ANKRD17: variants seen among roughly 807,000 people sequenced by gnomAD.
The protein encoded by ANKRD17 is ankyrin repeat domain-containing protein 17.
Under a neutral mutation model 229.7 loss-of-function variants are expected in ANKRD17, and 19 were observed. The observed-to-expected ratio is 0.08, with a 90% CI of 0.06 to 0.12. ANKRD17 has a LOEUF of 0.12. Ranked by LOEUF, ANKRD17 falls within the 10% of genes least tolerant of loss-of-function variation. The pLI is 1.00. For missense variants in ANKRD17, 2,176 were observed against 3,176.8 expected (o/e 0.68, Z 7.57); for synonymous variants, 1,112 against 1,146.1 (o/e 0.97, Z 0.60).
chr4:73,204,389 A>G (rs994333027), intron 1 of ANKRD17, among the ~76,000 whole-genome samples: 4 of 151,426 alleles, frequency 2.6e-5, no homozygotes, highest in Admixed American at 1.3e-4. Flanking sequence ...AGAAAAGAAA[A>G]GAAAAGAAAA....
chr4:73,096,970 AC>A (rs1187719707), intron 27 of ANKRD17, 146 bp downstream of exon 27: 2 of 890,566 alleles, frequency 2.2e-6, no homozygotes, highest in Non-Finnish European at 3.3e-6. Context: ...AAAATATGGC[AC>A]AGGCTCTCTC....
intron 1 of ANKRD17, among the ~76,000 whole-genome samples, chr4:73,233,518 A>T (rs138012430): frequency 6.6e-6 from 1 of 151,932 alleles, no homozygotes; most frequent in East Asian, 1.9e-4. Context: ...ATGTTCATGT[A>T]TTCCAGACTA....
Position 73,120,944 on chromosome 4 carries a change from T to C in ANKRD17, c.3786A>G (p.Gln1262=). 6.2e-7 allele frequency: 1 copy of C among 1,613,772 alleles called. No individual in the cohort carries two copies. The highest frequency in any genetic ancestry group is 8.5e-7 in the Non-Finnish European group (1 of 1,179,864). The change falls in exon 20 of 34, where the codon CAA becomes CAG. Residue 1262 remains glutamine, a synonymous_variant. Coordinates refer to ENST00000358602, the MANE Select transcript of ANKRD17 (RefSeq NM_032217.5). ...RNTALTLACF[Q]GRTEVVSLLL... ...GAAGACTAACCACTTCAGTTCTTCCTTGGAAGCAGGCTAAAGTAAGGGCAG... is the reference window on the plus strand; with the variant it reads ...GAAGACTAACCACTTCAGTTCTTCCCTGGAAGCAGGCTAAAGTAAGGGCAG...
intron 1 of ANKRD17, among the ~76,000 whole-genome samples, chr4:73,229,213 C>T (rs990180183): frequency 1.3e-5 from 2 of 152,140 alleles, no homozygotes; most frequent in African/African-American, 2.4e-5. Context: ...AGCACACCAA[C>T]ATGGCACATG....
intron 1 of ANKRD17, among the ~76,000 whole-genome samples, chr4:73,186,361 A>T (rs147581975): frequency 1.1e-3 from 162 of 152,220 alleles, no homozygotes; most frequent in African/African-American, 3.8e-3. Context: ...AAGAAATAAA[A>T]TCTTTCTTGT....
In ANKRD17 at chr4:73,102,346, A is replaced by G; in HGVS notation, c.4573+30T>C. 4 of 1,564,240 alleles carry G rather than the reference A, an allele frequency of 2.6e-6. No individual in the cohort carries two copies. In the South Asian group the frequency reaches 4.8e-5, roughly 19 times the overall value. ...AATATAATTTTAACTAGAATATAAA[A>G]CAAATGGGATGGTTGTTAAGAGAAA... On this transcript the variant is annotated intron_variant, in intron 25 of 33. Transcript: ENST00000358602.
intron 2 of ANKRD17, among the ~76,000 whole-genome samples, chr4:73,173,922 A>T (rs1734371812): frequency 6.6e-6 from 1 of 152,040 alleles, no homozygotes; most frequent in African/African-American, 2.4e-5. Context: ...TTCCAACTGA[A>T]TTTCATAATA....
chr4:73,233,515 T>C (rs16849198), intron 1 of ANKRD17, among the ~76,000 whole-genome samples: 3,307 of 151,976 alleles, frequency 0.022, 106 homozygotes, highest in African/African-American at 0.076. Context: ...GAAATGTTCA[T>C]GTATTCCAGA....
At chr4:73,214,780 A>G (rs1397684762) in intron 1 of ANKRD17, among the ~76,000 whole-genome samples, 2 of 151,160 alleles carry the variant, frequency 1.3e-5, no homozygotes, top group African/African-American at 4.9e-5. Context: ...GAGACTCCTA[A>G]AACAGGACTG....
At position 73,075,850 on chromosome 4, in the gene ANKRD17, T is replaced by G. The variant is rs1424450473; in HGVS notation, c.*381A>C. The G allele has an allele frequency of 1.2e-5, 2 of 167,044 alleles. No individual in the cohort carries two copies. Among genetic ancestry groups the G allele is most frequent in the East Asian group, 3.3e-4 (2 of 6,006 alleles). 10.3% of individuals were successfully genotyped at this position (167,044 alleles called of 1,614,324 possible). Reference sequence around the variant, plus strand: ...TTCTGTTATGTAAACAATTGTACATTTATTTGCCATTCTAAAACTTCAGGA... The same window carrying G: ...TTCTGTTATGTAAACAATTGTACATGTATTTGCCATTCTAAAACTTCAGGA... On this transcript the variant is annotated 3_prime_UTR_variant, in exon 34 of 34. Transcript: ENST00000358602.
Position 73,148,908 on chromosome 4 carries a change from G to C in ANKRD17, c.1472C>G (p.Ala491Gly). 1 of 1,613,880 alleles carries C rather than the reference G, an allele frequency of 6.2e-7. No homozygotes were observed. Among genetic ancestry groups the C allele is most frequent in the Non-Finnish European group, 8.5e-7 (1 of 1,179,948 alleles). ...ELAALLIERGASLEEVNDEGY... is the reference protein window; with the variant it reads ...ELAALLIERGGSLEEVNDEGY... ...TTCATCATTGACCTCTTCCAGGCTAGCTCCTCTTTCAATAAGTAAAGCCGC... is the reference window on the plus strand; with the variant it reads ...TTCATCATTGACCTCTTCCAGGCTACCTCCTCTTTCAATAAGTAAAGCCGC... The change falls in exon 8 of 34, where the codon GCT becomes GGT. Residue 491 changes from alanine (A) to glycine (G), a missense_variant. Transcript: ENST00000358602.
At chr4:73,134,980 TTA>T (rs1467520144) in intron 16 of ANKRD17, 135 bp downstream of exon 16, 3 of 797,222 alleles carry the variant, frequency 3.8e-6, no homozygotes, top group Non-Finnish European at 5.5e-6. Context: ...AATGTGAACT[TTA>T]ATTAATTTAA....
At chr4:73,232,882 C>G (rs989458558) in intron 1 of ANKRD17, among the ~76,000 whole-genome samples, 21 of 152,084 alleles carry the variant, frequency 1.4e-4, no homozygotes, top group African/African-American at 5.1e-4. Context: ...GCTACCACGC[C>G]CAGCTAATTT....
chr4:73,073,856 G>A lies in ANKRD17; in HGVS notation c.*2375C>T, dbSNP rs2110070806. On this transcript the variant is annotated 3_prime_UTR_variant, in exon 34 of 34. Coordinates refer to ENST00000358602, the MANE Select transcript of ANKRD17 (RefSeq NM_032217.5). ...TTAACTACTTGGGGATTTAAGGTGT[G>A]AACTAACCCAAGTGTAATGTCCAAG... The A allele has an allele frequency of 6.6e-6, 1 of 152,000 alleles. No homozygotes were observed. The highest frequency in any genetic ancestry group is 1.9e-4 in the East Asian group (1 of 5,174). The allele number at this position is 152,000 out of a possible 1,614,324, so 9.4% of individuals were successfully genotyped here. A position where few individuals can be genotyped will look rare whatever the true frequency, so the allele number is the denominator to read the frequency against.
chr4:73,089,229 G>T (rs1328736720), intron 29 of ANKRD17, among the ~76,000 whole-genome samples: 1 of 151,696 alleles, frequency 6.6e-6, no homozygotes, highest in East Asian at 1.9e-4. Flanking sequence ...TAGAGATGGG[G>T]TCTCCCCTTA....
At chr4:73,190,103 T>G (rs906478757) in intron 1 of ANKRD17, among the ~76,000 whole-genome samples, 25 of 152,284 alleles carry the variant, frequency 1.6e-4, no homozygotes, top group Middle Eastern at 6.8e-3. Flanking sequence ...GCGCGGTGGC[T>G]TACACCTGTA....
At chr4:73,179,488 G>GTGTGTATATATATA (rs1491132715) in intron 1 of ANKRD17, among the ~76,000 whole-genome samples, 5 of 48,210 alleles carry the variant, frequency 1.0e-4, no homozygotes, top group African/African-American at 8.8e-5. Context: ...GTGTGTGTGT[G>GTGTGTATATATATA]TATATATATA....
chr4:73,085,240 A>G lies in ANKRD17; in HGVS notation c.7159+9T>C, dbSNP rs769029980. 7 of 1,613,384 alleles carry G rather than the reference A, an allele frequency of 4.3e-6. No homozygotes were observed. Among genetic ancestry groups the G allele is most frequent in the Non-Finnish European group, 5.9e-6 (7 of 1,179,430 alleles). On this transcript the variant is annotated intron_variant, in intron 30 of 33. Transcript: ENST00000358602. ...AGATTCTTATGGAATTACGGTGTAT[A>G]AAACTCACCATTTGATGCTGATGAA...
intron 1 of ANKRD17, among the ~76,000 whole-genome samples, chr4:73,226,698 G>A (rs1287489896): frequency 1.3e-5 from 2 of 151,774 alleles, no homozygotes; most frequent in Admixed American, 1.3e-4. Flanking sequence ...TGGCCCAATA[G>A]TAGTAATTTC....
Sources: gnomAD v4.1 joint callset for allele counts (sites outside exome capture counted in the v4.1 genomes callset) on GRCh38, gnomAD v4.1.1 for gene constraint, MANE v1.5 for transcripts, NCBI Gene and HGNC (gene_info 2026-07-23, HGNC 2026-07-21) for gene names.